Variants in WDR70 observed in about 807,000 individuals in gnomAD.
WDR70 encodes the protein WD repeat-containing protein 70.
In WDR70, 53 loss-of-function variants were observed where a neutral mutation model predicts 88.6. The ratio of observed to expected loss-of-function variants is 0.60; its 90% CI spans 0.48 to 0.75. WDR70 has a LOEUF of 0.75. WDR70 is among the 30% of genes least tolerant of loss of function. The pLI is 0.00. For synonymous variants in WDR70, 280 were observed against 270.0 expected (o/e 1.04, Z -0.36); for missense variants, 610 against 823.2 (o/e 0.74, Z 3.17).
intron 9 of WDR70, among the ~76,000 whole-genome samples, chr5:37,592,983 C>T (rs560443936): frequency 6.4e-4 from 98 of 152,250 alleles, no homozygotes; most frequent in Middle Eastern, 6.8e-3. Flanking sequence ...ATAGTGAGAC[C>T]TTATCTCTAC....
intron 16 of WDR70, among the ~76,000 whole-genome samples, chr5:37,726,593 C>G (rs939405184): frequency 1.3e-5 from 2 of 152,072 alleles, no homozygotes; most frequent in African/African-American, 4.8e-5. Context: ...GCCAGAGGAA[C>G]TTTTTAAAGC....
chr5:37,574,789 A>G (rs1743008474), intron 9 of WDR70, among the ~76,000 whole-genome samples: 1 of 152,166 alleles, frequency 6.6e-6, no homozygotes, highest in African/African-American at 2.4e-5. Context: ...CCATGTATTA[A>G]TAATTGACTA....
Position 37,537,836 on chromosome 5 carries a change from C to T in WDR70, c.917+21246C>T, listed in dbSNP as rs574238546. On this transcript the variant is annotated intron_variant, in intron 9 of 17. Transcript: ENST00000265107. ...GGTATATTTGTTACTTTCCTTCATA[C>T]TGGAAAACTGCATGGATTGTCGAGA... 1.9e-4 allele frequency among the ~76,000 whole-genome samples: 29 copies of T among 152,192 alleles called. No individual in the cohort carries two copies. The South Asian group carries it at 6.0e-3, about 32-fold the overall frequency.
intron 10 of WDR70, among the ~76,000 whole-genome samples, chr5:37,680,158 CT>C (rs35533012): frequency 0.32 from 47,286 of 146,744 alleles, 8,167 homozygotes; most frequent in East Asian, 0.53. Flanking sequence ...TGATGTTGAG[CT>C]TTTTTTTTTT....
At chr5:37,380,172 G>A (rs186167810) in intron 2 of WDR70, among the ~76,000 whole-genome samples, 123 of 152,250 alleles carry the variant, frequency 8.1e-4, no homozygotes, top group African/African-American at 2.3e-3. Flanking sequence ...AATTATAAAT[G>A]CTGTTCATCC....
At chr5:37,539,291 T>G (rs1419796578) in intron 9 of WDR70, among the ~76,000 whole-genome samples, 3 of 152,210 alleles carry the variant, frequency 2.0e-5, no homozygotes, top group African/African-American at 7.2e-5. Flanking sequence ...GAGGGTGTTA[T>G]GGGCTGAATT....
At chr5:37,513,559 G>C (rs1740788137) in intron 8 of WDR70, among the ~76,000 whole-genome samples, 1 of 152,174 alleles carries the variant, frequency 6.6e-6, no homozygotes, top group South Asian at 2.1e-4. Context: ...AGAACTAATG[G>C]AATATACATA....
At position 37,445,481 on chromosome 5, in the gene WDR70, T is replaced by G. The variant is rs148239371; in HGVS notation, c.686+2109T>G. ...TAAAGAAAAACTTTTCCATTGATGT[T>G]CATTAGGGATATTGGTCTAAAATTC... is the stretch of plus-strand genomic sequence containing the variant. On this transcript the variant is annotated intron_variant, in intron 7 of 17. Coordinates refer to ENST00000265107, the MANE Select transcript of WDR70 (RefSeq NM_018034.4). Among the ~76,000 whole-genome samples the G allele has an allele frequency of 5.9e-5, 9 of 152,314 alleles. No homozygotes were observed. The East Asian group carries it at 1.7e-3, about 29-fold the overall frequency.
intron 7 of WDR70, among the ~76,000 whole-genome samples, chr5:37,449,590 CAAA>C (rs376148041): frequency 3.5e-5 from 3 of 85,734 alleles, no homozygotes; most frequent in African/African-American, 1.3e-4. Context: ...AATTTTGTCT[CAAA>C]AAAAAAAAAA....
rs140772774 is a variant in WDR70 at position 37,629,344 on chromosome 5, T to C, written c.1092+24106T>C. Among the ~76,000 whole-genome samples, 68 of 152,346 alleles carry C rather than the reference T, an allele frequency of 4.5e-4. 1 individual carries two copies. In the East Asian group the frequency reaches 0.011, roughly 24 times the overall value. ...CTCTCCCAAGACTCAGGAAATTTTCTGCTATTATTTCATTAAATATGATTT... is the reference window on the plus strand; with the variant it reads ...CTCTCCCAAGACTCAGGAAATTTTCCGCTATTATTTCATTAAATATGATTT... On this transcript the variant is annotated intron_variant, in intron 10 of 17. Transcript: ENST00000265107.
intron 17 of WDR70, among the ~76,000 whole-genome samples, chr5:37,733,963 G>T (rs191170538): frequency 6.6e-6 from 1 of 151,746 alleles, no homozygotes; most frequent in South Asian, 2.1e-4. Flanking sequence ...ACTTATTTGT[G>T]TATGGAAATA....
At chr5:37,651,851 G>A (rs564457549) in intron 10 of WDR70, among the ~76,000 whole-genome samples, 14 of 152,206 alleles carry the variant, frequency 9.2e-5, no homozygotes, top group African/African-American at 3.1e-4. Flanking sequence ...GTAGATTCTG[G>A]ATATTAGCCC....
intron 5 of WDR70, among the ~76,000 whole-genome samples, chr5:37,428,752 T>C (rs1270128958): frequency 2.0e-5 from 3 of 152,228 alleles, no homozygotes; most frequent in Non-Finnish European, 4.4e-5. Flanking sequence ...TTTGTAGATA[T>C]ATGTTTTTAT....
intron 9 of WDR70, among the ~76,000 whole-genome samples, chr5:37,546,206 A>G (rs1741985984): frequency 6.6e-6 from 1 of 151,482 alleles, no homozygotes; most frequent in Non-Finnish European, 1.5e-5. Flanking sequence ...ACATATTTTT[A>G]TCATACGTTT....
intron 5 of WDR70, among the ~76,000 whole-genome samples, chr5:37,434,334 G>A (rs1750404393): frequency 6.6e-6 from 1 of 152,136 alleles, no homozygotes; most frequent in Non-Finnish European, 1.5e-5. Context: ...GGTCACAGCC[G>A]AACCATATCA....
At chr5:37,678,214 G>C (rs1272076534) in intron 10 of WDR70, among the ~76,000 whole-genome samples, 2 of 152,120 alleles carry the variant, frequency 1.3e-5, no homozygotes, top group African/African-American at 4.8e-5. Flanking sequence ...TTTAATTGGA[G>C]CATTTAGCCC....
intron 9 of WDR70, among the ~76,000 whole-genome samples, chr5:37,524,110 A>T (rs1233263541): frequency 2.0e-5 from 3 of 152,174 alleles, no homozygotes; most frequent in Non-Finnish European, 4.4e-5. Context: ...CCAACATTCA[A>T]ATTCAGGAAC....
intron 5 of WDR70, among the ~76,000 whole-genome samples, chr5:37,410,011 T>C (rs1749473083): frequency 6.6e-6 from 1 of 151,844 alleles, no homozygotes; most frequent in Non-Finnish European, 1.5e-5. Flanking sequence ...CCAATCTCTA[T>C]GTTGCCCATT....
intron 7 of WDR70, among the ~76,000 whole-genome samples, chr5:37,461,090 A>C (rs1738985390): frequency 7.1e-6 from 1 of 139,960 alleles, no homozygotes. Context: ...AATGGCAAAT[A>C]AATATTTCTA....
Sources: allele counts gnomAD v4.1 joint callset (sites outside exome capture counted in the v4.1 genomes callset), GRCh38; gene constraint gnomAD v4.1.1; transcripts MANE v1.5; gene names NCBI Gene and HGNC (gene_info 2026-07-23, HGNC 2026-07-21).